Variants in KCNMA1 observed in about 807,000 individuals in gnomAD.
The protein encoded by KCNMA1 is potassium calcium-activated channel subfamily M alpha 1.
Under a neutral mutation model 140.0 loss-of-function variants are expected in KCNMA1, and 29 were observed. The ratio of observed to expected loss-of-function variants is 0.21; its 90% CI spans 0.15 to 0.28. KCNMA1 has a LOEUF of 0.28. Ranked by LOEUF, KCNMA1 falls within the 10% of genes least tolerant of loss-of-function variation. The pLI is 1.00. For missense variants in KCNMA1, 880 were observed against 1,602.2 expected (o/e 0.55, Z 7.70); for synonymous variants, 612 against 611.9 (o/e 1.00, Z 0.00).
At chr10:77,067,119 G>T (rs979633227) in intron 14 of KCNMA1, among the ~76,000 whole-genome samples, 2 of 152,186 alleles carry the variant, frequency 1.3e-5, no homozygotes, top group African/African-American at 4.8e-5. Context: ...AGGGTGGAGG[G>T]TGTTTCTGCA....
At chr10:77,058,450 A>G (rs1167217384) in intron 14 of KCNMA1, among the ~76,000 whole-genome samples, 2 of 152,134 alleles carry the variant, frequency 1.3e-5, no homozygotes, top group African/African-American at 4.8e-5. Context: ...CAACAATAGC[A>G]GAATATACAT....
intron 1 of KCNMA1, among the ~76,000 whole-genome samples, chr10:77,506,644 G>GGAGA (rs36130333): frequency 3.4e-4 from 13 of 37,892 alleles, no homozygotes; most frequent in African/African-American, 3.6e-4. Context: ...AGACAGAGAG[G>GGAGA]GAGAGAGAGA....
At chr10:77,361,173 T>A (rs1313022524) in intron 2 of KCNMA1, among the ~76,000 whole-genome samples, 1 of 152,178 alleles carries the variant, frequency 6.6e-6, no homozygotes, top group East Asian at 1.9e-4. Flanking sequence ...TGTGATGAGG[T>A]CTAAATTGCT....
intron 1 of KCNMA1, among the ~76,000 whole-genome samples, chr10:77,583,449 A>G (rs1366615290): frequency 1.3e-5 from 2 of 152,236 alleles, no homozygotes; most frequent in African/African-American, 4.8e-5. Context: ...TGAGTACTGG[A>G]TGTCATACCA....
chr10:77,150,867 T>C (rs772863761), intron 5 of KCNMA1, among the ~76,000 whole-genome samples: 5 of 152,266 alleles, frequency 3.3e-5, no homozygotes, highest in Non-Finnish European at 5.9e-5. Context: ...CTCTTTGTGA[T>C]TAGGTTTCTC....
chr10:76,942,097 G>A (rs568577459), intron 23 of KCNMA1, among the ~76,000 whole-genome samples: 11 of 152,186 alleles, frequency 7.2e-5, no homozygotes, highest in Admixed American at 2.0e-4. Flanking sequence ...TCAGCCTCCC[G>A]AGTAGCTGGG....
At chr10:77,607,648 C>T (rs1031356943) in intron 1 of KCNMA1, among the ~76,000 whole-genome samples, 1 of 152,038 alleles carries the variant, frequency 6.6e-6, no homozygotes, top group Non-Finnish European at 1.5e-5. Flanking sequence ...AGCAGAAAGC[C>T]ACAAGACTGG....
chr10:77,201,506 G>C (rs996757780), intron 3 of KCNMA1, among the ~76,000 whole-genome samples: 2 of 152,182 alleles, frequency 1.3e-5, no homozygotes, highest in Non-Finnish European at 2.9e-5. Context: ...AGACACTCAG[G>C]GAGATGCTCC....
intron 3 of KCNMA1, among the ~76,000 whole-genome samples, chr10:77,241,674 A>G (rs1035845213): frequency 2.2e-4 from 34 of 152,080 alleles, no homozygotes; most frequent in Admixed American, 1.8e-3. Context: ...TTTGCCAGCC[A>G]TGGTGGTGCA....
Position 77,598,781 on chromosome 10 carries a change from G to A in KCNMA1, c.378+38484C>T, listed in dbSNP as rs17506456. Among the ~76,000 whole-genome samples, 1,389 of 152,258 alleles carry A rather than the reference G, an allele frequency of 9.1e-3. 14 individuals carry two copies. The highest frequency in any genetic ancestry group is 0.052 in the East Asian group (269 of 5,160). On this transcript the variant is annotated intron_variant, in intron 1 of 27. Coordinates refer to ENST00000286628, the MANE Select transcript of KCNMA1 (RefSeq NM_001161352.2). Reference sequence around the variant, plus strand: ...CTGCCCCGCATCCAGTGCAGCAAGCGTCCTGGGAAGGTCAGGCTGTGGCTC... The same window carrying A: ...CTGCCCCGCATCCAGTGCAGCAAGCATCCTGGGAAGGTCAGGCTGTGGCTC...
At chr10:77,043,785 A>G (rs1453719197) in intron 14 of KCNMA1, among the ~76,000 whole-genome samples, 3 of 152,322 alleles carry the variant, frequency 2.0e-5, no homozygotes, top group Non-Finnish European at 4.4e-5. Context: ...AGGTACCTAG[A>G]GTCCTCAAAT....
At chr10:77,630,661 G>A (rs1410852498) in intron 1 of KCNMA1, among the ~76,000 whole-genome samples, 1 of 152,190 alleles carries the variant, frequency 6.6e-6, no homozygotes, top group East Asian at 1.9e-4. Context: ...CGGAGGCTGA[G>A]GGATGGACCA....
intron 5 of KCNMA1, among the ~76,000 whole-genome samples, chr10:77,153,888 G>A (rs1341412362): frequency 6.6e-6 from 1 of 152,066 alleles, no homozygotes; most frequent in Non-Finnish European, 1.5e-5. Flanking sequence ...GAGTCTCCGG[G>A]CCCAGCTCTG....
At chr10:77,235,902 C>T (rs998782423) in intron 3 of KCNMA1, among the ~76,000 whole-genome samples, 2 of 152,170 alleles carry the variant, frequency 1.3e-5, no homozygotes, top group Non-Finnish European at 2.9e-5. Flanking sequence ...TGTCTAAGCC[C>T]TTGGAGTGTC....
intron 3 of KCNMA1, among the ~76,000 whole-genome samples, chr10:77,219,043 C>T (rs1470246664): frequency 6.6e-6 from 1 of 152,060 alleles, no homozygotes; most frequent in Non-Finnish European, 1.5e-5. Flanking sequence ...CTTTCAGATC[C>T]TCTGTTCTTG....
chr10:77,504,551 A>C (rs1256498862), intron 1 of KCNMA1, among the ~76,000 whole-genome samples: 2 of 152,060 alleles, frequency 1.3e-5, no homozygotes, highest in Non-Finnish European at 1.5e-5. Context: ...TTCCACAAGC[A>C]GACAGTTTCT....
intron 23 of KCNMA1, among the ~76,000 whole-genome samples, chr10:76,924,152 G>T (rs1321104980): frequency 1.3e-5 from 2 of 152,154 alleles, no homozygotes; most frequent in Non-Finnish European, 2.9e-5. Flanking sequence ...GGCTGCCAGG[G>T]TCTTCATTCA....
intron 1 of KCNMA1, among the ~76,000 whole-genome samples, chr10:77,630,718 G>A (rs2093079414): frequency 6.6e-6 from 1 of 152,030 alleles, no homozygotes; most frequent in African/African-American, 2.4e-5. Context: ...AGTATAGCCT[G>A]TGTCTCGCCA....
Position 76,886,134 on chromosome 10 carries a change from T to C in KCNMA1, c.*1132A>G. On this transcript the variant is annotated 3_prime_UTR_variant, in exon 28 of 28. Coordinates refer to ENST00000286628, the MANE Select transcript of KCNMA1 (RefSeq NM_001161352.2). ...CTCCTACATTCTAATTTATTTAGCA[T>C]GTCGGCTCCTAGAAAAGCATGATCT... The C allele has an allele frequency of 3.0e-6, 3 of 985,456 alleles. No homozygotes were observed. Among genetic ancestry groups the C allele is most frequent in the Non-Finnish European group, 3.6e-6 (3 of 829,946 alleles). 61.0% of individuals were successfully genotyped at this position (985,456 alleles called of 1,614,324 possible). A position where few individuals can be genotyped will look rare whatever the true frequency, so the allele number is the denominator to read the frequency against.
Sources: allele counts gnomAD v4.1 joint callset (sites outside exome capture counted in the v4.1 genomes callset), GRCh38; gene constraint gnomAD v4.1.1; transcripts MANE v1.5; gene names NCBI Gene and HGNC (gene_info 2026-07-23, HGNC 2026-07-21).